OARD1: variants seen among roughly 807,000 people sequenced by gnomAD.
OARD1 encodes the protein ADP-ribose glycohydrolase OARD1.
Under a neutral mutation model 19.7 loss-of-function variants are expected in OARD1, and 19 were observed. The ratio of observed to expected loss-of-function variants is 0.96; its 90% CI spans 0.67 to 1.41. The LOEUF (loss-of-function observed/expected upper bound fraction) is 1.41. Ranked by LOEUF, OARD1 falls within the 40% of genes most tolerant of loss-of-function variation. The pLI, the probability that OARD1 is intolerant of heterozygous loss-of-function variation, is 0.00. For synonymous variants in OARD1, 70 were observed against 61.8 expected (o/e 1.13, Z -0.62); for missense variants, 190 against 183.8 (o/e 1.03, Z -0.20).
chr6:41,071,071 T>G, intron 3 of OARD1, 61 bp downstream of exon 3: 2 of 1,511,050 alleles, frequency 1.3e-6, no homozygotes, highest in Non-Finnish European at 1.8e-6. Context: ...TTTATTAAAG[T>G]GTAACAGATT....
upstream of OARD1, chr6:41,072,359 G>C (rs1048808271): frequency 1.3e-5 from 2 of 152,404 alleles, no homozygotes; most frequent in African/African-American, 4.8e-5. Context: ...GTTGTTTGGA[G>C]GTCCCCGCCC....
chr6:41,094,334 C>G, intron 1 of OARD1: 1 of 1,400,604 alleles, frequency 7.1e-7, no homozygotes, highest in Non-Finnish European at 1.0e-6. Context: ...AATTTGTGCA[C>G]TAGATAACTG....
intron 1 of OARD1, among the ~76,000 whole-genome samples, chr6:41,095,156 A>G (rs1764313321): frequency 6.6e-6 from 1 of 152,130 alleles, no homozygotes; most frequent in Non-Finnish European, 1.5e-5. Context: ...GTTCTGCTCA[A>G]GCTCCTTCAA....
rs1403195205 is a variant in OARD1 at position 41,071,139 on chromosome 6, T to C, written c.177A>G (p.Leu59=). 1 of 1,614,116 alleles carries C rather than the reference T, an allele frequency of 6.2e-7. No individual in the cohort carries two copies. The highest frequency in any genetic ancestry group is 1.3e-5 in the African/African-American group (1 of 74,944). The part of the protein sequence containing the change: ...KKKFGGVQEL[L]NQQKKSGEVA... ...GTGGTTTCCAAAACTCACGTTGATT[T>C]AAAAGTTCTTGCACCCCTCCAAATT... Residue 59 remains leucine (L), a synonymous_variant, in exon 3 of 6, where the codon TTA becomes TTG. Coordinates refer to ENST00000424266, the MANE Select transcript of OARD1 (RefSeq NM_001329686.2).
At chr6:41,085,581 A>G (rs1435798778) in intron 1 of OARD1, among the ~76,000 whole-genome samples, 1 of 152,178 alleles carries the variant, frequency 6.6e-6, no homozygotes, top group Non-Finnish European at 1.5e-5. Context: ...TATTGTTTCA[A>G]CAGTTACAGC....
chr6:41,097,701 C>T (rs957111216), intron 1 of OARD1: 1 of 311,642 alleles, frequency 3.2e-6, no homozygotes, highest in Non-Finnish European at 6.1e-6. Flanking sequence ...CAGCAGTACA[C>T]AAAGCACTTA....
chr6:41,094,585 C>T, intron 1 of OARD1: 1 of 956,488 alleles, frequency 1.0e-6, no homozygotes, highest in East Asian at 2.5e-5. Flanking sequence ...TTGCTATTTT[C>T]CTACTCTGGG....
At position 41,068,961 on chromosome 6, in the gene OARD1, C is replaced by T. The variant is rs764243917; in HGVS notation, c.244-8G>A. 3.4e-6 allele frequency: 5 copies of T among 1,483,956 alleles called. No individual in the cohort carries two copies. The African/African-American group carries it at 7.0e-5, about 21-fold the overall frequency. The allele number at this position is 1,483,956 out of a possible 1,614,324, so 91.9% of individuals were successfully genotyped here. On this transcript the variant is annotated splice_region_variant and splice_polypyrimidine_tract_variant and intron_variant, in intron 4 of 5. Transcript: ENST00000424266. Reference sequence around the variant, plus strand: ...AGCCCTTTTCTTTGTAATCTGAACACAAAGGATTCAAACTTTCATCATCCC... The same window carrying T: ...AGCCCTTTTCTTTGTAATCTGAACATAAAGGATTCAAACTTTCATCATCCC...
intron 5 of OARD1, 32 bp downstream of exon 5, chr6:41,068,809 A>T: frequency 8.6e-7 from 1 of 1,159,092 alleles, no homozygotes; most frequent in Non-Finnish European, 1.3e-6. Flanking sequence ...CCAATCAATT[A>T]AATCTCCATT....
chr6:41,089,466 T>G lies in OARD1; in HGVS notation c.-42+8247A>C. On this transcript the variant is annotated intron_variant, in intron 1 of 4. Coordinates refer to the OARD1 transcript ENST00000480585. ...TAATGGAGGGCAGAGCAGGACTTCT[T>G]TTTTCCTCTTCAGAACATTTTCTGC... 4 of 1,251,750 alleles carry G rather than the reference T, an allele frequency of 3.2e-6. No homozygotes were observed. The South Asian group carries it at 5.9e-5, about 18-fold the overall frequency. 77.5% of individuals were successfully genotyped at this position (1,251,750 alleles called of 1,614,324 possible).
At chr6:41,082,942 G>A (rs1763947468) in intron 1 of OARD1, among the ~76,000 whole-genome samples, 1 of 152,184 alleles carries the variant, frequency 6.6e-6, no homozygotes, top group Non-Finnish European at 1.5e-5. Context: ...GGCGGCGGTG[G>A]TGGTGGTGAT....
Position 41,067,283 on chromosome 6 carries a change from C to T in OARD1, c.*52G>A, listed in dbSNP as rs371749521. ...AAGGTAGGTTTGCCCGGTCCTATGG[C>T]CCAGTAGAGATGACACAGGAGAACA... On this transcript the variant is annotated 3_prime_UTR_variant, in exon 6 of 6. Transcript: ENST00000424266. 1.8e-3 allele frequency: 2,213 copies of T among 1,215,426 alleles called. 53 individuals are homozygous for T. The South Asian group carries it at 0.026, about 14-fold the overall frequency. 75.3% of individuals were successfully genotyped at this position (1,215,426 alleles called of 1,614,324 possible). A position where few individuals can be genotyped will look rare whatever the true frequency, so the allele number is the denominator to read the frequency against.
upstream of OARD1, among the ~76,000 whole-genome samples, chr6:41,073,687 TGGCCCGCCCACGCCTCGGAGCCCTATG>T (rs1397506873): frequency 2.0e-5 from 3 of 152,094 alleles, no homozygotes; most frequent in Middle Eastern, 3.4e-3. Context: ...GCAACGGGGC[TGGCCCGCCCACGCCTCGGAGCCCTATG>T]GGCCCGCCCC....
chr6:41,073,969 G>C (rs1234092806), upstream of OARD1, among the ~76,000 whole-genome samples: 1 of 151,524 alleles, frequency 6.6e-6, no homozygotes, highest in Non-Finnish European at 1.5e-5. Flanking sequence ...TTCGGTGCCT[G>C]GAACCTCACT....
chr6:41,068,395 A>G (rs926923229), intron 5 of OARD1, among the ~76,000 whole-genome samples: 3 of 152,270 alleles, frequency 2.0e-5, no homozygotes, highest in Non-Finnish European at 4.4e-5. Context: ...ACAAGTGTGC[A>G]GTATAAAAGG....
At chr6:41,097,440 G>T in intron 1 of OARD1, 1 of 1,609,752 alleles carries the variant, frequency 6.2e-7, no homozygotes, top group Non-Finnish European at 8.5e-7. Flanking sequence ...GCTGATCAAG[G>T]TCATGTTTCT....
At chr6:41,070,269 C>T (rs1309736644) in intron 3 of OARD1, 135 bp from the exon 4 acceptor site, 3 of 625,078 alleles carry the variant, frequency 4.8e-6, no homozygotes, top group Non-Finnish European at 8.6e-6. Flanking sequence ...ATAGGGAAGA[C>T]CTATTGTCTC....
chr6:41,084,539 T>C (rs933429055), intron 1 of OARD1, among the ~76,000 whole-genome samples: 3 of 152,174 alleles, frequency 2.0e-5, no homozygotes, highest in African/African-American at 7.2e-5. Context: ...TCCAAATTAA[T>C]TAAGTAGAAA....
chr6:41,080,480 C>A (rs891114622), intron 1 of OARD1, among the ~76,000 whole-genome samples: 1 of 152,010 alleles, frequency 6.6e-6, no homozygotes, highest in African/African-American at 2.4e-5. Flanking sequence ...GTGAACTCAT[C>A]TGAGGAGATA....
Sources: allele counts gnomAD v4.1 joint callset (sites outside exome capture counted in the v4.1 genomes callset), GRCh38; gene constraint gnomAD v4.1.1; transcripts MANE v1.5; gene names NCBI Gene and HGNC (gene_info 2026-07-23, HGNC 2026-07-21).